The following FANCC variants were observed in gnomAD, a reference collection of about 807,000 sequenced individuals.
FANCC encodes the protein Fanconi anemia group C protein.
A neutral mutation model predicts 71.3 loss-of-function variants in FANCC; 55 were observed. The observed-to-expected ratio is 0.77, with a 90% confidence interval of 0.62 to 0.97. The LOEUF (loss-of-function observed/expected upper bound fraction) is 0.97, where lower values mean the gene tolerates loss of function less well. FANCC is among the 50% of genes least tolerant of loss of function. The pLI is 0.00. For missense variants in FANCC, 678 were observed against 670.9 expected (o/e 1.01, Z -0.12); for synonymous variants, 275 against 244.9 (o/e 1.12, Z -1.15).
chr9:95,229,484 C>A (rs1305699277), intron 4 of FANCC, among the ~76,000 whole-genome samples: 1 of 151,898 alleles, frequency 6.6e-6, no homozygotes, highest in Non-Finnish European at 1.5e-5. Flanking sequence ...GATTGATAGA[C>A]TTGAGGTGAG....
chr9:95,188,399 T>A (rs959429826), intron 4 of FANCC, among the ~76,000 whole-genome samples: 13 of 152,048 alleles, frequency 8.5e-5, no homozygotes, highest in African/African-American at 3.1e-4. Context: ...CAAGCACAAC[T>A]TCATACTGAA....
chr9:95,110,939 G>A (rs2071865228), intron 13 of FANCC: 3 of 1,342,286 alleles, frequency 2.2e-6, no homozygotes, highest in South Asian at 3.8e-5. Flanking sequence ...TTTTTCAGAA[G>A]CAAAGTGGTT....
chr9:95,264,036 G>A (rs533378930), intron 1 of FANCC, among the ~76,000 whole-genome samples: 3 of 152,320 alleles, frequency 2.0e-5, no homozygotes, highest in African/African-American at 7.2e-5. Context: ...GGAAACCTGA[G>A]GGGACTGGCC....
intron 1 of FANCC, chr9:95,294,649 G>T: frequency 6.3e-7 from 1 of 1,586,136 alleles, no homozygotes. Context: ...CATGAGTTCT[G>T]GGTTTGAAAC....
intron 4 of FANCC, among the ~76,000 whole-genome samples, chr9:95,222,704 T>C (rs1829357906): frequency 6.6e-6 from 1 of 152,234 alleles, no homozygotes; most frequent in Admixed American, 6.5e-5. Flanking sequence ...CACAATTCTA[T>C]GTAATAAAAG....
At chr9:95,203,385 A>AAAAAC (rs1390621926) in intron 4 of FANCC, among the ~76,000 whole-genome samples, 2 of 151,498 alleles carry the variant, frequency 1.3e-5, no homozygotes, top group South Asian at 2.1e-4. Flanking sequence ...TCTCAAAAAA[A>AAAAAC]AAAAAAAAAA....
intron 1 of FANCC, among the ~76,000 whole-genome samples, chr9:95,270,017 T>C (rs1329739738): frequency 6.6e-6 from 1 of 152,154 alleles, no homozygotes; most frequent in South Asian, 2.1e-4. Context: ...CCACTCTGAG[T>C]TGACACAGCA....
chr9:95,219,313 C>T (rs1411214279), intron 4 of FANCC, among the ~76,000 whole-genome samples: 1 of 152,104 alleles, frequency 6.6e-6, no homozygotes, highest in Non-Finnish European at 1.5e-5. Flanking sequence ...GCCATGTATA[C>T]AGCGGAATTG....
At chr9:95,172,278 C>A in intron 4 of FANCC, 131 bp from the exon 5 acceptor site, 1 of 613,332 alleles carries the variant, frequency 1.6e-6, no homozygotes. Flanking sequence ...TGTCAAAGTA[C>A]CCAATTTACT....
chr9:95,138,352 A>G (rs1279915460), intron 7 of FANCC, among the ~76,000 whole-genome samples: 1 of 152,200 alleles, frequency 6.6e-6, no homozygotes, highest in Admixed American at 6.5e-5. Flanking sequence ...TGTGAAGAGG[A>G]AAGGCTTTTC....
intron 12 of FANCC, 38 bp downstream of exon 12, chr9:95,114,591 G>C (rs2072236620): frequency 6.4e-7 from 1 of 1,555,694 alleles, no homozygotes; most frequent in African/African-American, 1.4e-5. Flanking sequence ...GGGAAACCAT[G>C]TGTGAAGTAG....
chr9:95,107,409 A>G, intron 13 of FANCC, 140 bp from the exon 14 acceptor site: 1 of 894,980 alleles, frequency 1.1e-6, no homozygotes, highest in Non-Finnish European at 1.8e-6. Context: ...GCAGCGGCCG[A>G]ATTTACACTC....
chr9:95,282,646 G>A (rs1374933763), intron 1 of FANCC, among the ~76,000 whole-genome samples: 1 of 152,080 alleles, frequency 6.6e-6, no homozygotes, highest in Non-Finnish European at 1.5e-5. Flanking sequence ...CTTCTCAACT[G>A]CACATCAATC....
chr9:95,251,419 G>A (rs990514562), intron 1 of FANCC, among the ~76,000 whole-genome samples: 3 of 152,014 alleles, frequency 2.0e-5, no homozygotes, highest in African/African-American at 4.8e-5. Flanking sequence ...GGGTTCAAGC[G>A]ACTCTCCTGC....
intron 7 of FANCC, among the ~76,000 whole-genome samples, chr9:95,148,708 T>C (rs1829892587): frequency 6.6e-6 from 1 of 152,232 alleles, no homozygotes; most frequent in Non-Finnish European, 1.5e-5. Context: ...TGCATAATGC[T>C]ACAAAATTAT....
intron 8 of FANCC, among the ~76,000 whole-genome samples, chr9:95,131,026 C>T (rs1249004048): frequency 6.6e-6 from 1 of 152,126 alleles, no homozygotes; most frequent in East Asian, 1.9e-4. Flanking sequence ...ATTCAGGTTC[C>T]TTTTAACAAA....
chr9:95,138,006 G>A (rs1201234479), intron 7 of FANCC, among the ~76,000 whole-genome samples: 1 of 152,264 alleles, frequency 6.6e-6, no homozygotes, highest in East Asian at 1.9e-4. Context: ...GGCCTAGTGT[G>A]CTCCTGAAAG....
intron 4 of FANCC, among the ~76,000 whole-genome samples, chr9:95,186,959 T>C (rs1826766938): frequency 2.0e-5 from 3 of 152,092 alleles, no homozygotes; most frequent in Admixed American, 2.0e-4. Context: ...GCCTGGCTAA[T>C]TTTTGTACTT....
chr9:95,181,159 T>TTGTGTG (rs10692344), intron 4 of FANCC, among the ~76,000 whole-genome samples: 2,196 of 148,414 alleles, frequency 0.015, 23 homozygotes, highest in East Asian at 0.044. Flanking sequence ...CACGTACACA[T>TTGTGTG]TGTGTGTGTG....
Sources: allele counts gnomAD v4.1 joint callset (sites outside exome capture counted in the v4.1 genomes callset), GRCh38; gene constraint gnomAD v4.1.1; transcripts MANE v1.5; gene names NCBI Gene and HGNC (gene_info 2026-07-23, HGNC 2026-07-21).